AZI2: variants seen among roughly 807,000 people sequenced by gnomAD.
The protein encoded by AZI2 is 5-azacytidine-induced protein 2.
AZI2 carries 22 observed loss-of-function variants against 45.8 expected under a neutral mutation model. That is an observed-to-expected ratio of 0.48 (90% CI 0.34 to 0.69). The LOEUF is 0.69. Ranked by LOEUF, AZI2 falls within the 30% of genes least tolerant of loss-of-function variation. The pLI is 0.01. For missense variants in AZI2, 417 were observed against 441.5 expected, an observed-to-expected ratio of 0.94 and a Z score of 0.50; for synonymous variants, 137 against 156.7, an observed-to-expected ratio of 0.87 and a Z score of 0.94.
chr3:28,334,091 CCTCA>C (rs1703698262), intron 5 of AZI2, among the ~76,000 whole-genome samples: 1 of 151,486 alleles, frequency 6.6e-6, no homozygotes, highest in South Asian at 2.1e-4. Context: ...GCCCCTGAAA[CCTCA>C]CTAACATGAA....
At chr3:28,334,828 A>T (rs1434125714) in intron 5 of AZI2, among the ~76,000 whole-genome samples, 1 of 151,996 alleles carries the variant, frequency 6.6e-6, no homozygotes, top group East Asian at 1.9e-4. Context: ...CTCTAATCAA[A>T]TTTTTTAAAA....
intron 7 of AZI2, 60 bp downstream of exon 7, chr3:28,326,772 G>T: frequency 8.4e-7 from 1 of 1,183,698 alleles, no homozygotes. Context: ...AGATATGACA[G>T]CTAGTTGCTC....
chr3:28,348,535 C>A (rs1287268810), intron 1 of AZI2, 66 bp downstream of exon 1: 1 of 152,668 alleles, frequency 6.6e-6, no homozygotes, highest in African/African-American at 2.4e-5. Context: ...CCGGCAACAG[C>A]TACGGAGGTT....
intron 5 of AZI2, among the ~76,000 whole-genome samples, chr3:28,333,455 G>A (rs531582601): frequency 1.3e-5 from 2 of 151,606 alleles, no homozygotes; most frequent in Non-Finnish European, 2.9e-5. Context: ...TGCCTTACAG[G>A]AAATAATGGA....
chr3:28,321,360 TAGCCCA>T lies in AZI2; in HGVS notation c.*2676_*2681del, dbSNP rs1703184275. 3 of 151,590 alleles carry T rather than the reference TAGCCCA, an allele frequency of 2.0e-5. No individual in the cohort carries two copies. In the South Asian group the frequency reaches 6.2e-4, roughly 31 times the overall value. 9.4% of individuals were successfully genotyped at this position (151,590 alleles called of 1,614,324 possible). A position where few individuals can be genotyped will look rare whatever the true frequency, so the allele number is the denominator to read the frequency against. Reference sequence around the variant, plus strand: ...TTATAGCTTTGATTAAAATCAGAAGTAGCCCACTTCATGTAGAAAATTCACTTATGT... The same window carrying T: ...TTATAGCTTTGATTAAAATCAGAAGTCTTCATGTAGAAAATTCACTTATGT... On this transcript the variant is annotated 3_prime_UTR_variant, in exon 8 of 8. Transcript: ENST00000479665.
chr3:28,330,058 C>T (rs1473261008), intron 6 of AZI2, among the ~76,000 whole-genome samples: 2 of 151,168 alleles, frequency 1.3e-5, no homozygotes, highest in African/African-American at 4.8e-5. Flanking sequence ...ATCTGTAACA[C>T]AGTTCCACAA....
rs17021375 is a variant in AZI2, at chr3:28,347,348, C to T, written c.-6+1253G>A. On this transcript the variant is annotated intron_variant, in intron 1 of 7. Coordinates refer to ENST00000479665, the MANE Select transcript of AZI2 (RefSeq NM_022461.5). ...TTTTGGAGAAACTATCTCATTTGTT[C>T]TTCATAAGCATTCAGTAAATCTATG... is the stretch of plus-strand genomic sequence containing the variant. Among the ~76,000 whole-genome samples the T allele has an allele frequency of 2.6e-3, 392 of 152,204 alleles. 2 individuals are homozygous for T. Among genetic ancestry groups the T allele is most frequent in the African/African-American group, 8.9e-3 (371 of 41,526 alleles).
rs1269062442 is a variant in AZI2, at chr3:28,331,783, A to G, written c.647+586T>C. Reference sequence around the variant, plus strand: ...ACAATTATTAGATAGCTTAAAACACAGAATTGAAGTTACTTAAGTAAAAAT... The same window carrying G: ...ACAATTATTAGATAGCTTAAAACACGGAATTGAAGTTACTTAAGTAAAAAT... On this transcript the variant is annotated intron_variant, in intron 6 of 7. Coordinates refer to ENST00000479665, the MANE Select transcript of AZI2 (RefSeq NM_022461.5). 7.9e-6 allele frequency: 12 copies of G among 1,514,360 alleles called. No individual in the cohort carries two copies. In the African/African-American group the frequency reaches 1.5e-4, roughly 19 times the overall value. The allele number at this position is 1,514,360 out of a possible 1,614,324, so 93.8% of individuals were successfully genotyped here.
chr3:28,326,499 T>A (rs1703396172), intron 7 of AZI2: 2 of 178,532 alleles, frequency 1.1e-5, no homozygotes, highest in African/African-American at 4.8e-5. Flanking sequence ...CTTTTTTTTT[T>A]TTTTTTCAAA....
In AZI2 at chr3:28,345,038, T is replaced by C. The variant is rs544534458; in HGVS notation, c.-6+3563A>G. On this transcript the variant is annotated intron_variant, in intron 1 of 7. Coordinates refer to ENST00000479665, the MANE Select transcript of AZI2 (RefSeq NM_022461.5). Reference sequence around the variant, plus strand: ...GGCATTCTAAGAAGCTGGAGATGACTGAGGGCAGTGTTTGACAAAGGTGTG... The same window carrying C: ...GGCATTCTAAGAAGCTGGAGATGACCGAGGGCAGTGTTTGACAAAGGTGTG... 4.6e-5 allele frequency among the ~76,000 whole-genome samples: 7 copies of C among 152,280 alleles called. No homozygotes were observed. The East Asian group carries it at 1.3e-3, about 29-fold the overall frequency.
chr3:28,326,804 C>G, intron 7 of AZI2, 28 bp downstream of exon 7: 2 of 1,525,198 alleles, frequency 1.3e-6, no homozygotes, highest in Non-Finnish European at 1.8e-6. Context: ...TGGCTGGAAT[C>G]AGTGGTTTCC....
intron 5 of AZI2, among the ~76,000 whole-genome samples, chr3:28,333,444 G>C (rs1210068430): frequency 6.6e-6 from 1 of 151,624 alleles, no homozygotes; most frequent in Non-Finnish European, 1.5e-5. Context: ...GTTTTTTCCT[G>C]TGCCTTACAG....
chr3:28,326,599 A>C (rs1703400939), intron 7 of AZI2: 2 of 477,428 alleles, frequency 4.2e-6, no homozygotes, highest in African/African-American at 2.0e-5. Context: ...GAGAAAAGCC[A>C]CAAGGGGAAA....
At chr3:28,346,651 A>G (rs763475741) in intron 1 of AZI2, among the ~76,000 whole-genome samples, 1 of 152,118 alleles carries the variant, frequency 6.6e-6, no homozygotes, top group Non-Finnish European at 1.5e-5. Context: ...CCACCTTTCT[A>G]CCTCTGAAAA....
intron 1 of AZI2, among the ~76,000 whole-genome samples, chr3:28,343,146 A>G (rs932476233): frequency 6.6e-6 from 1 of 152,046 alleles, no homozygotes; most frequent in Admixed American, 6.6e-5. Flanking sequence ...CCATAAAGGT[A>G]GGTAATAAAT....
At chr3:28,331,823 GA>G in intron 6 of AZI2, 1 of 1,540,738 alleles carries the variant, frequency 6.5e-7, no homozygotes, top group African/African-American at 1.4e-5. Flanking sequence ...CGTATTTGAG[GA>G]AAAAGGGTTG....
At chr3:28,347,033 G>A (rs186613239) in intron 1 of AZI2, among the ~76,000 whole-genome samples, 3 of 152,306 alleles carry the variant, frequency 2.0e-5, no homozygotes, top group Admixed American at 1.3e-4. Flanking sequence ...TAGGTATGAA[G>A]AGCAGTCTAC....
chr3:28,329,741 A>G (rs1198802925), intron 6 of AZI2, among the ~76,000 whole-genome samples: 1 of 151,246 alleles, frequency 6.6e-6, no homozygotes, highest in Non-Finnish European at 1.5e-5. Flanking sequence ...AGAGTTATAG[A>G]CTTAAAAGTG....
intron 7 of AZI2, among the ~76,000 whole-genome samples, chr3:28,325,777 T>C (rs1054617035): frequency 2.0e-5 from 3 of 151,004 alleles, no homozygotes; most frequent in Non-Finnish European, 4.5e-5. Context: ...CATTCAACCT[T>C]TGGTCTCATA....
Sources: gnomAD v4.1 joint callset for allele counts (sites outside exome capture counted in the v4.1 genomes callset) on GRCh38, gnomAD v4.1.1 for gene constraint, MANE v1.5 for transcripts, NCBI Gene and HGNC (gene_info 2026-07-23, HGNC 2026-07-21) for gene names.